The following RGL1 variants were observed in gnomAD, a reference collection of about 807,000 sequenced individuals.
RGL1 encodes the protein ral guanine nucleotide dissociation stimulator like 1.
Under a neutral mutation model 95.2 loss-of-function variants are expected in RGL1, and 24 were observed. The observed-to-expected ratio is 0.25, with a 90% CI of 0.18 to 0.35. The LOEUF is 0.35. Ranked by LOEUF, RGL1 falls within the 10% of genes least tolerant of loss-of-function variation. The probability of loss-of-function intolerance (pLI) is 1.00; values close to 1 mark genes in which losing one functional copy is unlikely to be tolerated. For synonymous variants in RGL1, 329 were observed against 344.9 expected (o/e 0.95, Z 0.51); for missense variants, 715 against 936.3 (o/e 0.76, Z 3.08).
At chr1:183,706,796 G>A (rs10911419) in intron 1 of RGL1, among the ~76,000 whole-genome samples, 27,263 of 152,088 alleles carry the variant, frequency 0.18, 3,377 homozygotes, top group African/African-American at 0.35. Flanking sequence ...TTCTCATCAC[G>A]ATTGTTAAGG....
intron 2 of RGL1, among the ~76,000 whole-genome samples, chr1:183,799,757 G>A (rs979835764): frequency 4.6e-5 from 7 of 152,202 alleles, no homozygotes; most frequent in Admixed American, 6.5e-5. Context: ...TACTTATTTC[G>A]AAGTACAGTG....
intron 2 of RGL1, among the ~76,000 whole-genome samples, chr1:183,843,923 G>A (rs549423649): frequency 1.4e-4 from 21 of 152,276 alleles, no homozygotes; most frequent in Middle Eastern, 3.4e-3. Context: ...CGCTTCCTGG[G>A]TTCAAGTGAT....
intron 4 of RGL1, among the ~76,000 whole-genome samples, chr1:183,874,427 C>T (rs1327556675): frequency 6.6e-6 from 1 of 152,170 alleles, no homozygotes; most frequent in African/African-American, 2.4e-5. Context: ...CCATCCTACT[C>T]CGGGCCCTCT....
At chr1:183,712,801 C>A (rs1335366341) in intron 1 of RGL1, among the ~76,000 whole-genome samples, 2 of 152,200 alleles carry the variant, frequency 1.3e-5, no homozygotes, top group African/African-American at 4.8e-5. Context: ...ATCAAGTTTT[C>A]TGGTCTAAAA....
intron 2 of RGL1, among the ~76,000 whole-genome samples, chr1:183,749,125 G>A (rs1657837245): frequency 6.6e-6 from 1 of 152,198 alleles, no homozygotes; most frequent in Admixed American, 6.5e-5. Flanking sequence ...TTCTGCAGAT[G>A]TCTATTAGGT....
rs558246981 is a variant in RGL1 at position 183,784,213 on chromosome 1, A to G, written c.133-22162A>G. The stretch of plus-strand genomic sequence containing the variant: ...CATTAGAAGAGATGTGCAGAAGAAT[A>G]TGGCGATAGATGACAAGCGGTCACC... On this transcript the variant is annotated intron_variant, in intron 2 of 18. Transcript: ENST00000304685. 5.3e-5 allele frequency among the ~76,000 whole-genome samples: 8 copies of G among 152,352 alleles called. No individual in the cohort carries two copies. In the East Asian group the frequency reaches 1.5e-3, roughly 29 times the overall value.
chr1:183,870,330 G>A (rs1003717757), intron 4 of RGL1, among the ~76,000 whole-genome samples: 10 of 143,336 alleles, frequency 7.0e-5, no homozygotes, highest in East Asian at 2.1e-4. Context: ...GTTGTCTTCC[G>A]GCCAGGGTAG....
At position 183,913,448 on chromosome 1, in the gene RGL1, G is replaced by A. The variant is rs539209381; in HGVS notation, c.1749+1180G>A. On this transcript the variant is annotated intron_variant, in intron 15 of 17. Transcript: ENST00000360851. ...TGACCTCAGGTGATCCACCCACTTC[G>A]GCCTCCCAAAGTGCTGGGATGAGCC... Among the ~76,000 whole-genome samples the A allele has an allele frequency of 5.9e-5, 9 of 152,020 alleles. No individual in the cohort carries two copies. In the South Asian group the frequency reaches 1.2e-3, roughly 21 times the overall value.
intron 2 of RGL1, among the ~76,000 whole-genome samples, chr1:183,760,160 A>G (rs1232605926): frequency 6.6e-6 from 1 of 152,214 alleles, no homozygotes; most frequent in African/African-American, 2.4e-5. Flanking sequence ...TAAAAAGTAC[A>G]TATCTTAATT....
chr1:183,908,000 GAACAAAACAA>G (rs1289384028), intron 14 of RGL1, among the ~76,000 whole-genome samples: 3 of 151,022 alleles, frequency 2.0e-5, no homozygotes, highest in Non-Finnish European at 4.4e-5. Flanking sequence ...CTGTCTCTAA[GAACAAAACAA>G]AACAAAACAA....
intron 2 of RGL1, among the ~76,000 whole-genome samples, chr1:183,839,838 C>A (rs1372890683): frequency 1.3e-5 from 2 of 152,160 alleles, no homozygotes; most frequent in Non-Finnish European, 2.9e-5. Flanking sequence ...TGATGCCTTT[C>A]CTCACCCATC....
chr1:183,731,430 A>G (rs1175039449), intron 1 of RGL1, among the ~76,000 whole-genome samples: 1 of 152,182 alleles, frequency 6.6e-6, no homozygotes, highest in African/African-American at 2.4e-5. Flanking sequence ...CTGATAAAAT[A>G]GAATATGAAG....
At position 183,810,250 on chromosome 1, in the gene RGL1, A is replaced by C. The variant is rs140047820; in HGVS notation, c.138+3765A>C. Among the ~76,000 whole-genome samples the C allele has an allele frequency of 4.3e-3, 653 of 152,326 alleles. 5 individuals carry two copies. The highest frequency in any genetic ancestry group is 0.015 in the African/African-American group (629 of 41,568). ...ATATGACAGACTCAGGGTCCAAAAA[A>C]CATGTCAGCCTAAGATAAGTTCCAA... On this transcript the variant is annotated intron_variant, in intron 2 of 17. Coordinates refer to ENST00000360851, the MANE Select transcript of RGL1 (RefSeq NM_001297671.3).
chr1:183,919,195 C>G (rs1224331695), intron 16 of RGL1, among the ~76,000 whole-genome samples: 2 of 152,144 alleles, frequency 1.3e-5, no homozygotes, highest in Admixed American at 1.3e-4. Flanking sequence ...TGAAAAATAT[C>G]TATTTTTTTC....
At chr1:183,653,565 G>C (rs529721444) in intron 1 of RGL1, among the ~76,000 whole-genome samples, 2 of 152,344 alleles carry the variant, frequency 1.3e-5, no homozygotes, top group African/African-American at 4.8e-5. Context: ...TAGAGTAGGT[G>C]CCAGGCCTGG....
chr1:183,720,963 A>C (rs181382928), intron 1 of RGL1, among the ~76,000 whole-genome samples: 193 of 152,276 alleles, frequency 1.3e-3, no homozygotes, highest in African/African-American at 4.0e-3. Flanking sequence ...AACAGAGAAC[A>C]CTGGACGAGG....
chr1:183,856,795 G>T (rs1039465883), intron 3 of RGL1, among the ~76,000 whole-genome samples: 2 of 151,958 alleles, frequency 1.3e-5, no homozygotes, highest in African/African-American at 4.8e-5. Flanking sequence ...AAATCTTTGG[G>T]TATGAAAATG....
chr1:183,741,900 G>T (rs1039320460), intron 1 of RGL1, among the ~76,000 whole-genome samples: 3 of 152,134 alleles, frequency 2.0e-5, no homozygotes, highest in African/African-American at 4.8e-5. Flanking sequence ...TTTAAAATTT[G>T]TATCAGTTTG....
intron 1 of RGL1, among the ~76,000 whole-genome samples, chr1:183,683,350 G>T (rs1050616231): frequency 6.6e-6 from 1 of 152,200 alleles, no homozygotes; most frequent in African/African-American, 2.4e-5. Flanking sequence ...GCTCTTGTAA[G>T]GGAGGCCTGG....
Sources: allele counts gnomAD v4.1 joint callset (sites outside exome capture counted in the v4.1 genomes callset), GRCh38; gene constraint gnomAD v4.1.1; transcripts MANE v1.5; gene names NCBI Gene and HGNC (gene_info 2026-07-23, HGNC 2026-07-21).